The following CCDC7 variants were observed in gnomAD, a reference collection of about 807,000 sequenced individuals.
The protein encoded by CCDC7 is coiled-coil domain-containing protein 7.
CCDC7 carries 183 observed loss-of-function variants against 196.9 expected under a neutral mutation model. The ratio of observed to expected loss-of-function variants is 0.93; its 90% confidence interval spans 0.82 to 1.05. The LOEUF is 1.05. CCDC7 is among the 50% of genes least tolerant of loss of function. CCDC7 has a pLI of 0.00. For missense variants in CCDC7, 1,540 were observed against 1,482.2 expected, an observed-to-expected ratio of 1.04 and a Z score of -0.64; for synonymous variants, 525 against 484.6, an observed-to-expected ratio of 1.08 and a Z score of -1.10.
chr10:32,749,454 G>A (rs2075335589), intron 28 of CCDC7, among the ~76,000 whole-genome samples: 1 of 152,052 alleles, frequency 6.6e-6, no homozygotes, highest in Admixed American at 6.6e-5. Context: ...AGAGAATCAA[G>A]TAATAAATTC....
At chr10:32,558,619 A>C (rs1183857474) in intron 13 of CCDC7, among the ~76,000 whole-genome samples, 1 of 152,172 alleles carries the variant, frequency 6.6e-6, no homozygotes, top group East Asian at 1.9e-4. Context: ...AAAAATGAGA[A>C]TCTTCCCTAG....
rs1032851383 is a variant in CCDC7, at chr10:32,700,124, T to G, written c.2458+5132T>G. ...TTTTGGTGTTTTAGACATGAAGTCC[T>G]TGCCCATGCCTATGTCCTGAATGGT... On this transcript the variant is annotated intron_variant, in intron 24 of 41. Transcript: ENST00000639629. 1.8e-4 allele frequency among the ~76,000 whole-genome samples: 27 copies of G among 149,744 alleles called. 3 individuals carry two copies. The highest frequency in any genetic ancestry group is 5.6e-4 in the African/African-American group (22 of 39,100).
At chr10:32,568,677 T>C (rs1342942689) in intron 15 of CCDC7, among the ~76,000 whole-genome samples, 1 of 152,200 alleles carries the variant, frequency 6.6e-6, no homozygotes, top group African/African-American at 2.4e-5. Flanking sequence ...CAACTTAAAA[T>C]CTGCTAGTCA....
intron 28 of CCDC7, among the ~76,000 whole-genome samples, chr10:32,760,643 C>T (rs965197478): frequency 4.0e-5 from 6 of 151,572 alleles, no homozygotes; most frequent in African/African-American, 7.3e-5. Flanking sequence ...GTACCTAATG[C>T]TAAATGATGA....
rs1188940136 is a variant in CCDC7 at position 32,845,636 on chromosome 10, A to G, written c.3520+10A>G. 6.3e-7 allele frequency: 1 copy of G among 1,593,604 alleles called. No individual in the cohort carries two copies. Among genetic ancestry groups the G allele is most frequent in the Non-Finnish European group, 8.6e-7 (1 of 1,163,206 alleles). Reference sequence around the variant, plus strand: ...TTAAAAAGTCACCCAGGTAAGAGAAAACAATTTCAAGACTAATATTTATGG... The same window carrying G: ...TTAAAAAGTCACCCAGGTAAGAGAAGACAATTTCAAGACTAATATTTATGG... On this transcript the variant is annotated intron_variant, in intron 35 of 41. Coordinates refer to ENST00000639629, the Ensembl canonical transcript of CCDC7.
At chr10:32,847,974 A>G (rs544165036) in intron 38 of CCDC7, 58 bp downstream of exon 39, 1,067 of 1,083,194 alleles carry the variant, frequency 9.9e-4, no homozygotes, top group Non-Finnish European at 1.3e-3. Context: ...GGGTTTAAGT[A>G]TGAATCTTTA....
chr10:32,672,733 C>T (rs2074279316), intron 21 of CCDC7, among the ~76,000 whole-genome samples: 1 of 152,134 alleles, frequency 6.6e-6, no homozygotes, highest in Non-Finnish European at 1.5e-5. Context: ...TTGCTCCTAG[C>T]TATCTCCTGG....
intron 14 of CCDC7, among the ~76,000 whole-genome samples, chr10:32,567,067 T>C (rs910500506): frequency 6.8e-6 from 1 of 145,998 alleles, no homozygotes; most frequent in Non-Finnish European, 1.5e-5. Flanking sequence ...ATATAGCTAA[T>C]ATATAATATA....
chr10:32,734,266 A>G (rs1225203441), intron 28 of CCDC7, among the ~76,000 whole-genome samples: 1 of 152,212 alleles, frequency 6.6e-6, no homozygotes, highest in African/African-American at 2.4e-5. Context: ...CAGCCATAAA[A>G]CAGGACAAGA....
intron 19 of CCDC7, 53 bp downstream of exon 20, chr10:32,634,417 G>T (rs1001798262): frequency 1.2e-6 from 1 of 809,348 alleles, no homozygotes; most frequent in Non-Finnish European, 1.6e-6. Context: ...TATTTTTTGA[G>T]ATGGAGTCTC....
At chr10:32,751,102 G>A (rs1344499081) in intron 28 of CCDC7, among the ~76,000 whole-genome samples, 2 of 151,968 alleles carry the variant, frequency 1.3e-5, no homozygotes, top group East Asian at 3.9e-4. Flanking sequence ...ACTAGTCTTT[G>A]CCTCCACCTT....
At chr10:32,843,275 T>A (rs1471685176) in intron 33 of CCDC7, among the ~76,000 whole-genome samples, 1 of 151,830 alleles carries the variant, frequency 6.6e-6, no homozygotes, top group Non-Finnish European at 1.5e-5. Context: ...TAATTAATCA[T>A]AACAACAATT....
At chr10:32,600,624 G>A (rs188582319) in intron 18 of CCDC7, among the ~76,000 whole-genome samples, 24 of 152,184 alleles carry the variant, frequency 1.6e-4, no homozygotes, top group Admixed American at 1.0e-3. Flanking sequence ...ACCTCTGCTC[G>A]AGACTGCTCA....
At chr10:32,502,524 C>T (rs1383436818) in intron 9 of CCDC7, among the ~76,000 whole-genome samples, 1 of 152,056 alleles carries the variant, frequency 6.6e-6, no homozygotes, top group South Asian at 2.1e-4. Flanking sequence ...TTGGCTGTAT[C>T]TGTTTTGATG....
intron 28 of CCDC7, among the ~76,000 whole-genome samples, chr10:32,774,662 G>A (rs924416419): frequency 3.3e-5 from 5 of 152,148 alleles, no homozygotes; most frequent in African/African-American, 1.2e-4. Context: ...TAGGGGAAGT[G>A]ATGCTGGGAG....
intron 29 of CCDC7, among the ~76,000 whole-genome samples, chr10:32,780,034 C>A (rs1209976117): frequency 1.3e-5 from 2 of 152,130 alleles, no homozygotes; most frequent in Admixed American, 1.3e-4. Context: ...GTCAGGAAAT[C>A]AAGACCATCC....
At chr10:32,832,712 C>G (rs1004222446) in intron 32 of CCDC7, among the ~76,000 whole-genome samples, 2 of 151,954 alleles carry the variant, frequency 1.3e-5, no homozygotes, top group South Asian at 4.1e-4. Context: ...CAAGTTTCCT[C>G]ACATCATAAT....
At chr10:32,618,786 A>C (rs1484251324) in intron 18 of CCDC7, among the ~76,000 whole-genome samples, 1 of 151,990 alleles carries the variant, frequency 6.6e-6, no homozygotes, top group Non-Finnish European at 1.5e-5. Flanking sequence ...TTTGCAATGT[A>C]TTTGCCTTGG....
chr10:32,847,733 G>A, intron 37 of CCDC7, 100 bp from the exon 39 acceptor site: 14 of 728,026 alleles, frequency 1.9e-5, no homozygotes, highest in Admixed American at 2.9e-5. Context: ...AAAAGGAAAA[G>A]AAAAGAAAAA....
Sources: gnomAD v4.1 joint callset for allele counts (sites outside exome capture counted in the v4.1 genomes callset) on GRCh38, gnomAD v4.1.1 for gene constraint, MANE v1.5 for transcripts, NCBI Gene and HGNC (gene_info 2026-07-23, HGNC 2026-07-21) for gene names.